XIRP2: variants seen among roughly 807,000 people sequenced by gnomAD.
XIRP2 encodes the protein xin actin-binding repeat-containing protein 2.
XIRP2 carries 236 observed loss-of-function variants against 277.0 expected under a neutral mutation model. That is an observed-to-expected ratio of 0.85 (90% confidence interval 0.77 to 0.95). The LOEUF is 0.95. Among genes scored for constraint, XIRP2 ranks in the 40% least tolerant of loss-of-function variants. The pLI, the probability that XIRP2 is intolerant of heterozygous loss-of-function variation, is 0.00. For synonymous variants in XIRP2, 1,490 were observed against 1,416.5 expected (o/e 1.05, Z -1.17); for missense variants, 4,640 against 4,157.5 (o/e 1.12, Z -3.19).
chr2:167,019,899 C>T (rs1424467631), intron 2 of XIRP2, among the ~76,000 whole-genome samples: 1 of 151,976 alleles, frequency 6.6e-6, no homozygotes, highest in Non-Finnish European at 1.5e-5. Flanking sequence ...ATTTGTACTG[C>T]CAGTCTAAGT....
chr2:167,226,119 G>A (rs944609633), intron 5 of XIRP2, among the ~76,000 whole-genome samples: 1 of 152,046 alleles, frequency 6.6e-6, no homozygotes, highest in African/African-American at 2.4e-5. Context: ...CTAGTAATTC[G>A]GTTTTCCTTT....
At chr2:167,078,814 A>G (rs191421546) in intron 2 of XIRP2, among the ~76,000 whole-genome samples, 2,071 of 143,512 alleles carry the variant, frequency 0.014, 59 homozygotes, top group African/African-American at 0.052. Flanking sequence ...CTCCAGCCTG[A>G]GCGACACAGT....
rs1553500663 is a variant in XIRP2 at position 167,214,134 on chromosome 2, G to GAAGCAAGC, written c.723+3245_723+3246insGCAAGCAA. Among the ~76,000 whole-genome samples, 596 of 112,144 alleles carry GAAGCAAGC rather than the reference G, an allele frequency of 5.3e-3. 52 individuals are homozygous for GAAGCAAGC. Among genetic ancestry groups the GAAGCAAGC allele is most frequent in the African/African-American group, 0.02 (485 of 24,158 alleles). 73.6% of individuals were successfully genotyped at this position (112,144 alleles called of 152,430 possible). On this transcript the variant is annotated intron_variant, in intron 4 of 10. Coordinates refer to ENST00000409195, the MANE Select transcript of XIRP2 (RefSeq NM_152381.6). ...GGAAGGAAGGAAGGAAGGAAGGAAG[G>GAAGCAAGC]AAGCAAAGAGAAAGAGAAAGAAGGA... is the stretch of plus-strand genomic sequence containing the variant.
At chr2:166,912,167 T>C (rs1210812694) in intron 2 of XIRP2, among the ~76,000 whole-genome samples, 2 of 152,206 alleles carry the variant, frequency 1.3e-5, no homozygotes, top group Admixed American at 6.5e-5. Flanking sequence ...CTTGCTAGGT[T>C]GGGGAAGTTC....
chr2:167,197,350 A>G (rs1359988068), intron 3 of XIRP2, among the ~76,000 whole-genome samples: 2 of 152,238 alleles, frequency 1.3e-5, no homozygotes, highest in African/African-American at 4.8e-5. Context: ...CCATGAAAAG[A>G]CAAGCATTAA....
rs542350148 is a variant in XIRP2, at chr2:167,193,991, A to T, written c.563-16744A>T. ...AATAATAATAGCACAAGTTTCCTATAGGCTTATTCTTCCAGGGGTGGATAT... is the reference window on the plus strand; with the variant it reads ...AATAATAATAGCACAAGTTTCCTATTGGCTTATTCTTCCAGGGGTGGATAT... On this transcript the variant is annotated intron_variant, in intron 3 of 10. Coordinates refer to ENST00000409195, the MANE Select transcript of XIRP2 (RefSeq NM_152381.6). 6.6e-5 allele frequency among the ~76,000 whole-genome samples: 10 copies of T among 152,112 alleles called. No homozygotes were observed. The East Asian group carries it at 1.9e-3, about 29-fold the overall frequency.
chr2:167,259,473 G>T lies in XIRP2; in HGVS notation c.*1656G>T. On this transcript the variant is annotated 3_prime_UTR_variant, in exon 11 of 11. Transcript: ENST00000409195. ...TTTTGAGGAACTTGATGTAAACATGGTGTTCAGAAATCTCGTGTCTATCTC... is the reference window on the plus strand; with the variant it reads ...TTTTGAGGAACTTGATGTAAACATGTTGTTCAGAAATCTCGTGTCTATCTC... 1 of 1,113,550 alleles carries T rather than the reference G, an allele frequency of 9.0e-7. No individual in the cohort carries two copies. The highest frequency in any genetic ancestry group is 2.6e-5 in the East Asian group (1 of 37,804). The allele number at this position is 1,113,550 out of a possible 1,614,324, so 69.0% of individuals were successfully genotyped here.
At position 167,176,558 on chromosome 2, in the gene XIRP2, G is replaced by A. The variant is rs1016577388; in HGVS notation, c.563-34177G>A. Reference sequence around the variant, plus strand: ...TGTGTTTTCTTTTATGGTAGGTCACGTGTTCTTGCTTCCTTTGGGGCTTCA... The same window carrying A: ...TGTGTTTTCTTTTATGGTAGGTCACATGTTCTTGCTTCCTTTGGGGCTTCA... On this transcript the variant is annotated intron_variant, in intron 3 of 10. Coordinates refer to ENST00000409195, the MANE Select transcript of XIRP2 (RefSeq NM_152381.6). Among the ~76,000 whole-genome samples, 8 of 152,136 alleles carry A rather than the reference G, an allele frequency of 5.3e-5. No homozygotes were observed. The South Asian group carries it at 6.2e-4, about 12-fold the overall frequency.
At chr2:167,138,694 G>T (rs1037550377) in intron 3 of XIRP2, among the ~76,000 whole-genome samples, 3 of 152,112 alleles carry the variant, frequency 2.0e-5, no homozygotes, top group Admixed American at 1.3e-4. Flanking sequence ...TGGGTAATTT[G>T]ATAATAGATG....
At chr2:167,188,132 A>G (rs1693218883) in intron 3 of XIRP2, among the ~76,000 whole-genome samples, 1 of 152,222 alleles carries the variant, frequency 6.6e-6, no homozygotes, top group South Asian at 2.1e-4. Flanking sequence ...TGGATCTGCC[A>G]GTCCTAATTA....
chr2:166,985,317 G>T (rs1288501962), intron 2 of XIRP2, among the ~76,000 whole-genome samples: 2 of 152,140 alleles, frequency 1.3e-5, no homozygotes, highest in Admixed American at 6.5e-5. Context: ...TTGCAATCAT[G>T]TGCATCTGCT....
At chr2:167,144,323 TTA>T (rs1217723203) in intron 3 of XIRP2, among the ~76,000 whole-genome samples, 1 of 152,114 alleles carries the variant, frequency 6.6e-6, no homozygotes, top group African/African-American at 2.4e-5. Context: ...CATGTCACTG[TTA>T]TGATTCTTTA....
chr2:167,126,478 TG>T (rs1691210228), intron 2 of XIRP2, among the ~76,000 whole-genome samples: 1 of 152,114 alleles, frequency 6.6e-6, no homozygotes, highest in Non-Finnish European at 1.5e-5. Flanking sequence ...AGCATACAGA[TG>T]AGGAAACTGT....
At chr2:167,169,110 G>C (rs1451257401) in intron 3 of XIRP2, among the ~76,000 whole-genome samples, 1 of 152,164 alleles carries the variant, frequency 6.6e-6, no homozygotes, top group Admixed American at 6.5e-5. Flanking sequence ...ATAGTGGTAA[G>C]GTGTTGGGGG....
Position 167,228,974 on chromosome 2 carries a change from G to C in XIRP2, c.858+10674G>C, listed in dbSNP as rs145292985. 4.2e-3 allele frequency among the ~76,000 whole-genome samples: 646 copies of C among 152,174 alleles called. 2 individuals are homozygous for C. The highest frequency in any genetic ancestry group is 0.014 in the African/African-American group (596 of 41,540). ...CTCCTTTAAAGTAAAATAAATTGGG[G>C]TTGCTTTGGGGAAAAAGAAGTGCTG... On this transcript the variant is annotated intron_variant, in intron 5 of 10. Transcript: ENST00000409195.
rs2105389096 is a variant in XIRP2 at position 167,210,719 on chromosome 2, C to T, written c.563-16C>T. The T allele has an allele frequency of 1.2e-6, 2 of 1,613,840 alleles. No homozygotes were observed. Among genetic ancestry groups the T allele is most frequent in the Non-Finnish European group, 1.7e-6 (2 of 1,179,774 alleles). On this transcript the variant is annotated splice_polypyrimidine_tract_variant and intron_variant, in intron 3 of 10. Coordinates refer to ENST00000409195, the MANE Select transcript of XIRP2 (RefSeq NM_152381.6). ...AGCTTAACACACATGTGTAAGCATG[C>T]TCTGTTTGCTTTCAGCGACTGCTGG...
At position 167,020,425 on chromosome 2, in the gene XIRP2, C is replaced by T. The variant is rs539784201; in HGVS notation, c.409-115484C>T. Among the ~76,000 whole-genome samples the T allele has an allele frequency of 5.3e-5, 8 of 152,060 alleles. No individual in the cohort carries two copies. In the South Asian group the frequency reaches 1.4e-3, roughly 28 times the overall value. On this transcript the variant is annotated intron_variant, in intron 2 of 10. Coordinates refer to ENST00000409195, the MANE Select transcript of XIRP2 (RefSeq NM_152381.6). ...CATCAACAAACACCACAGATCATTA[C>T]TTAATCTTTGAAAAATGAACTTATG...
intron 1 of XIRP2, 67 bp downstream of exon 1, chr2:166,888,624 T>C (rs1684016456): frequency 6.6e-6 from 1 of 152,212 alleles, no homozygotes; most frequent in South Asian, 2.1e-4. Context: ...TTCTCTTTGA[T>C]AGTTTCTGAC....
chr2:167,203,428 G>A (rs1040653482), intron 3 of XIRP2, among the ~76,000 whole-genome samples: 10 of 152,178 alleles, frequency 6.6e-5, no homozygotes, highest in African/African-American at 2.4e-4. Context: ...TTTTGGGAAG[G>A]TAACAAGTAC....
Sources: gnomAD v4.1 joint callset for allele counts (sites outside exome capture counted in the v4.1 genomes callset) on GRCh38, gnomAD v4.1.1 for gene constraint, MANE v1.5 for transcripts, NCBI Gene and HGNC (gene_info 2026-07-23, HGNC 2026-07-21) for gene names.